S100Z: variants seen among roughly 807,000 people sequenced by gnomAD.
S100Z encodes the protein protein S100-Z.
In S100Z, 11 loss-of-function variants were observed where a neutral mutation model predicts 8.5. The ratio of observed to expected loss-of-function variants is 1.30; its 90% CI spans 0.82 to 2.15. S100Z has a LOEUF of 2.15. Ranked by LOEUF, S100Z falls within the 30% of genes most tolerant of loss-of-function variation. The probability of loss-of-function intolerance (pLI) is 0.00; values close to 1 mark genes in which losing one functional copy is unlikely to be tolerated. For synonymous variants in S100Z, 34 were observed against 43.8 expected (o/e 0.78, Z 0.89); for missense variants, 126 against 117.9 (o/e 1.07, Z -0.32).
At chr5:76,899,169 A>G (rs1298992434) in intron 4 of S100Z, among the ~76,000 whole-genome samples, 3 of 151,824 alleles carry the variant, frequency 2.0e-5, no homozygotes, top group Non-Finnish European at 4.4e-5. Flanking sequence ...CCTCACCTCA[A>G]GTGATCCACC....
chr5:76,898,822 G>A (rs1054239402), intron 4 of S100Z, among the ~76,000 whole-genome samples: 1 of 151,950 alleles, frequency 6.6e-6, no homozygotes, highest in Non-Finnish European at 1.5e-5. Flanking sequence ...AATTAGTTTA[G>A]GAGTGTTTCC....
In S100Z at chr5:76,870,251, C is replaced by T. The variant is rs1742959634; in HGVS notation, c.-90C>T. ...AGACAAAGGATACAGCATACAGTCC[C>T]GTGTCTCGGCTGAGTCATCGCATTC... On this transcript the variant is annotated 5_prime_UTR_variant, in exon 2 of 5. Coordinates refer to ENST00000317593, the MANE Select transcript of S100Z (RefSeq NM_130772.4). The T allele has an allele frequency of 6.6e-6, 1 of 152,148 alleles. No individual in the cohort carries two copies. Among genetic ancestry groups the T allele is most frequent in the Non-Finnish European group, 1.5e-5 (1 of 68,038 alleles). 9.4% of individuals were successfully genotyped at this position (152,148 alleles called of 1,614,324 possible).
chr5:76,936,642 C>CACAG, the S100Z span, among the ~76,000 whole-genome samples: 1 of 143,500 alleles, frequency 7.0e-6, no homozygotes, highest in Admixed American at 6.9e-5. Context: ...CACACACACA[C>CACAG]ACACACACAC....
At chr5:76,864,935 C>T (rs1417156484) in intron 1 of S100Z, among the ~76,000 whole-genome samples, 2 of 151,162 alleles carry the variant, frequency 1.3e-5, no homozygotes, top group African/African-American at 4.9e-5. Context: ...TTTCAAACTC[C>T]TGACCTCATG....
the S100Z span, among the ~76,000 whole-genome samples, chr5:76,935,062 CA>C: frequency 1.3e-5 from 2 of 152,048 alleles, no homozygotes; most frequent in Non-Finnish European, 2.9e-5. Context: ...GTATGAAAAA[CA>C]AACTAGCTTT....
intron 4 of S100Z, among the ~76,000 whole-genome samples, chr5:76,884,159 C>G (rs1743515311): frequency 6.6e-6 from 1 of 152,158 alleles, no homozygotes; most frequent in Admixed American, 6.5e-5. Context: ...CCCTCTGGGT[C>G]TAGGGCAGTA....
At position 76,917,229 on chromosome 5, in the gene S100Z, T is replaced by A. The variant is rs138163716; in HGVS notation, c.*3-3488T>A. On this transcript the variant is annotated intron_variant, in intron 4 of 4. Transcript: ENST00000317593. ...TCATAACTACATGTGAATCTATAAT[T>A]GTTTCAAAATAAGTTTATAATTATG... Among the ~76,000 whole-genome samples, 99 of 152,244 alleles carry A rather than the reference T, an allele frequency of 6.5e-4. 1 individual carries two copies. The East Asian group carries it at 0.016, about 25-fold the overall frequency.
intron 4 of S100Z, among the ~76,000 whole-genome samples, chr5:76,898,394 G>A (rs1440955429): frequency 6.6e-6 from 1 of 151,914 alleles, no homozygotes; most frequent in East Asian, 1.9e-4. Context: ...GAGGTGGGTG[G>A]ATCCAGGTGA....
At chr5:76,875,541 AGAT>A (rs1436505719) in intron 3 of S100Z, 41 bp downstream of exon 3, 1 of 1,556,228 alleles carries the variant, frequency 6.4e-7, no homozygotes, top group East Asian at 2.3e-5. Context: ...ATTTGAGGGT[AGAT>A]GAGGTGCAGA....
intron 4 of S100Z, among the ~76,000 whole-genome samples, chr5:76,894,778 G>C (rs1743977446): frequency 1.3e-5 from 2 of 151,854 alleles, no homozygotes; most frequent in African/African-American, 4.8e-5. Context: ...TTTTAGTGGA[G>C]ACAGGGTTTC....
At chr5:76,907,081 A>ATTCCATAT (rs1744482574) in intron 4 of S100Z, among the ~76,000 whole-genome samples, 1 of 147,236 alleles carries the variant, frequency 6.8e-6, no homozygotes, top group African/African-American at 2.5e-5. Context: ...TATGGTATTC[A>ATTCCATAT]TTCCATATTT....
At chr5:76,863,178 G>T (rs1007444652) in intron 1 of S100Z, among the ~76,000 whole-genome samples, 1 of 152,196 alleles carries the variant, frequency 6.6e-6, no homozygotes, top group African/African-American at 2.4e-5. Context: ...GACGGTAGGG[G>T]CCAGGAGGAA....
intron 4 of S100Z, among the ~76,000 whole-genome samples, chr5:76,897,696 T>G (rs1254189219): frequency 6.6e-6 from 1 of 152,138 alleles, no homozygotes; most frequent in Non-Finnish European, 1.5e-5. Flanking sequence ...GATCTTTCAC[T>G]TCTTTGGTTA....
chr5:76,854,572 G>A (rs1750827146), intron 1 of S100Z, among the ~76,000 whole-genome samples: 1 of 152,170 alleles, frequency 6.6e-6, no homozygotes, highest in Admixed American at 6.5e-5. Flanking sequence ...GATATGGACT[G>A]GCTGCTTCTA....
At chr5:76,923,371 T>C (rs139117344), downstream of S100Z, among the ~76,000 whole-genome samples, 361 of 152,352 alleles carry the variant, frequency 2.4e-3, 1 homozygote, top group African/African-American at 7.8e-3. Flanking sequence ...TCAGTGAAGG[T>C]AGCTCTAGAG....
In S100Z at chr5:76,902,474, C is replaced by T. The variant is rs114488294; in HGVS notation, c.*3-18243C>T. Among the ~76,000 whole-genome samples, 5 of 152,308 alleles carry T rather than the reference C, an allele frequency of 3.3e-5. No individual in the cohort carries two copies. In the East Asian group the frequency reaches 7.7e-4, roughly 24 times the overall value. ...GCCCAGAAATGCCCTCTGCAACACA[C>T]ACTGCTGCCAGGGGTGGGGCAGGGG... On this transcript the variant is annotated intron_variant, in intron 4 of 4. Coordinates refer to ENST00000317593, the MANE Select transcript of S100Z (RefSeq NM_130772.4).
At chr5:76,895,765 CTTTTTT>C (rs57723242) in intron 4 of S100Z, among the ~76,000 whole-genome samples, 1 of 88,336 alleles carries the variant, frequency 1.1e-5, no homozygotes, top group African/African-American at 3.8e-5. Flanking sequence ...TCTTTTCTTC[CTTTTTT>C]TTTTTTTTTT....
At chr5:76,851,364 TGAA>T (rs1362139073) in intron 1 of S100Z, among the ~76,000 whole-genome samples, 1 of 152,108 alleles carries the variant, frequency 6.6e-6, no homozygotes, top group Non-Finnish European at 1.5e-5. Flanking sequence ...AGGCTAATTT[TGAA>T]GAAGAGCAAA....
chr5:76,857,651 A>G (rs2150621317), intron 1 of S100Z, among the ~76,000 whole-genome samples: 1 of 152,148 alleles, frequency 6.6e-6, no homozygotes, highest in African/African-American at 2.4e-5. Context: ...GGCATGTGCC[A>G]CTATCCCCAG....
Sources: allele counts gnomAD v4.1 joint callset (sites outside exome capture counted in the v4.1 genomes callset), GRCh38; gene constraint gnomAD v4.1.1; transcripts MANE v1.5; gene names NCBI Gene and HGNC (gene_info 2026-07-23, HGNC 2026-07-21).